Variants in SOX13 observed in about 807,000 individuals in gnomAD.
The protein encoded by SOX13 is SRY-box transcription factor 13, also known as transcription factor SOX-13.
In SOX13, 28 loss-of-function variants were observed where a neutral mutation model predicts 71.8. The ratio of observed to expected loss-of-function variants is 0.39; its 90% CI spans 0.29 to 0.53. The LOEUF is 0.53. Ranked by LOEUF, SOX13 falls within the 20% of genes least tolerant of loss-of-function variation. SOX13 has a pLI of 0.70. For missense variants in SOX13, 627 were observed against 810.3 expected, an observed-to-expected ratio of 0.77 and a Z score of 2.75; for synonymous variants, 309 against 317.8, an observed-to-expected ratio of 0.97 and a Z score of 0.29.
chr1:204,085,669 T>G (rs1159343055), intron 1 of SOX13, among the ~76,000 whole-genome samples: 6 of 140,672 alleles, frequency 4.3e-5, no homozygotes, highest in African/African-American at 7.6e-5. Context: ...AAGCAGAAAG[T>G]GCATATTTAA....
At chr1:204,122,786 G>A (rs1206982469) in intron 9 of SOX13, 68 bp from the exon 10 acceptor site, 3 of 969,134 alleles carry the variant, frequency 3.1e-6, no homozygotes, top group African/African-American at 3.3e-5. Context: ...ATGGAGTTTG[G>A]GCTCATGCTG....
intron 5 of SOX13, 58 bp from the exon 6 acceptor site, chr1:204,117,064 G>T: frequency 6.4e-7 from 1 of 1,562,566 alleles, no homozygotes; most frequent in South Asian, 1.1e-5. Flanking sequence ...GGGCTGGGCA[G>T]ACTGGGCACC....
At chr1:204,115,495 A>T (rs1357949382) in intron 4 of SOX13, among the ~76,000 whole-genome samples, 5 of 142,948 alleles carry the variant, frequency 3.5e-5, no homozygotes, top group African/African-American at 1.0e-4. Flanking sequence ...TTTTTTTTAA[A>T]AAAAAAAAAA....
chr1:204,125,687 G>A (rs1318912966), intron 13 of SOX13, among the ~76,000 whole-genome samples, 171 bp from the exon 14 acceptor site: 2 of 152,230 alleles, frequency 1.3e-5, no homozygotes, highest in Admixed American at 6.5e-5. Context: ...CTGCAGGGTC[G>A]TAGGTGCCAG....
rs143659099 is a variant in SOX13 at position 204,103,012 on chromosome 1, C to T, written c.-1-9903C>T. On this transcript the variant is annotated intron_variant, in intron 1 of 13. Transcript: ENST00000367204. The stretch of plus-strand genomic sequence containing the variant: ...GGAGAATAGGGTGTGAGTCCTTCTC[C>T]CCCTTGCCCTGGGGGCAGGGAGGGA... 6.9e-3 allele frequency among the ~76,000 whole-genome samples: 1,044 copies of T among 152,246 alleles called. 11 individuals are homozygous for T. Among genetic ancestry groups the T allele is most frequent in the African/African-American group, 0.024 (1,002 of 41,556 alleles).
chr1:204,102,571 C>A (rs1300882635), intron 1 of SOX13, among the ~76,000 whole-genome samples: 1 of 151,790 alleles, frequency 6.6e-6, no homozygotes, highest in Admixed American at 6.6e-5. Flanking sequence ...ATCAACAGGG[C>A]ATTCAGAAAA....
intron 13 of SOX13, 116 bp downstream of exon 13, chr1:204,124,973 G>C: frequency 2.7e-6 from 2 of 730,608 alleles, no homozygotes; most frequent in Non-Finnish European, 4.7e-6. Flanking sequence ...GGTGCTGTGT[G>C]TATGCGTACG....
intron 1 of SOX13, among the ~76,000 whole-genome samples, chr1:204,106,690 A>C (rs2102247121): frequency 1.3e-5 from 2 of 152,120 alleles, no homozygotes; most frequent in South Asian, 4.2e-4. Flanking sequence ...TTTTTACTGG[A>C]GTCAGGGTTT....
intron 1 of SOX13, among the ~76,000 whole-genome samples, chr1:204,101,865 G>A (rs188295570): frequency 6.6e-6 from 1 of 151,764 alleles, no homozygotes; most frequent in Non-Finnish European, 1.5e-5. Flanking sequence ...TGTTCATCAC[G>A]GCTGTGTGCC....
chr1:204,095,809 A>G (rs1213633965), intron 1 of SOX13, among the ~76,000 whole-genome samples: 2 of 152,196 alleles, frequency 1.3e-5, no homozygotes, highest in African/African-American at 4.8e-5. Context: ...CTCTGTTCCC[A>G]TTAAGCAATA....
intron 1 of SOX13, among the ~76,000 whole-genome samples, chr1:204,077,648 A>G (rs1655810358): frequency 6.6e-6 from 1 of 152,222 alleles, no homozygotes; most frequent in Non-Finnish European, 1.5e-5. Context: ...CATGGCTATC[A>G]TGCACACACG....
chr1:204,116,788 G>A (rs968068032), intron 5 of SOX13, 109 bp downstream of exon 5: 12 of 1,519,270 alleles, frequency 7.9e-6, no homozygotes, highest in African/African-American at 1.4e-5. Flanking sequence ...TGGGGCCTGG[G>A]GGCAGGCTGG....
At chr1:204,089,397 T>C (rs1054670393) in intron 1 of SOX13, among the ~76,000 whole-genome samples, 1 of 152,198 alleles carries the variant, frequency 6.6e-6, no homozygotes, top group Non-Finnish European at 1.5e-5. Context: ...CCTCCCACTC[T>C]CATGCCCGCC....
intron 1 of SOX13, among the ~76,000 whole-genome samples, chr1:204,111,419 A>G (rs1391799061): frequency 6.6e-6 from 1 of 152,130 alleles, no homozygotes; most frequent in Non-Finnish European, 1.5e-5. Context: ...CATCTCTGTG[A>G]CTTTGGAGGA....
chr1:204,101,243 G>A (rs975923824), intron 1 of SOX13, among the ~76,000 whole-genome samples: 4 of 152,156 alleles, frequency 2.6e-5, no homozygotes, highest in Admixed American at 2.6e-4. Flanking sequence ...TTGGGTGCCT[G>A]AGGTGGGAAG....
intron 1 of SOX13, among the ~76,000 whole-genome samples, chr1:204,077,346 T>C (rs945683285): frequency 1.3e-5 from 2 of 152,218 alleles, no homozygotes; most frequent in African/African-American, 4.8e-5. Flanking sequence ...TGATCTGCTC[T>C]ATGATTTTAA....
chr1:204,114,610 AG>A lies in SOX13; in HGVS notation c.418+7del. The A allele has an allele frequency of 6.2e-7, 1 of 1,606,632 alleles. No individual in the cohort carries two copies. The highest frequency in any genetic ancestry group is 8.5e-7 in the Non-Finnish European group (1 of 1,173,208). On this transcript the variant is annotated splice_donor_region_variant and intron_variant, in intron 4 of 13. Transcript: ENST00000367204. ...TGGAAGCCAAAGATGTCAAAGGTGA[AG>A]GCCTGTTGGGGGTGGGGGAGATGTT...
chr1:204,102,293 A>G (rs1328101051), intron 1 of SOX13, among the ~76,000 whole-genome samples: 1 of 152,180 alleles, frequency 6.6e-6, no homozygotes, highest in East Asian at 1.9e-4. Flanking sequence ...AGTCATCCCT[A>G]TGGTCCCCAC....
At chr1:204,090,533 C>T (rs1224048420) in intron 1 of SOX13, among the ~76,000 whole-genome samples, 9 of 151,944 alleles carry the variant, frequency 5.9e-5, no homozygotes, top group South Asian at 2.1e-4. Flanking sequence ...CTTGGCCTCC[C>T]GAGTAGCTGG....
Sources: allele counts gnomAD v4.1 joint callset (sites outside exome capture counted in the v4.1 genomes callset), GRCh38; gene constraint gnomAD v4.1.1; transcripts MANE v1.5; gene names NCBI Gene and HGNC (gene_info 2026-07-23, HGNC 2026-07-21).